The following NALF1 variants were observed in gnomAD, a reference collection of about 807,000 sequenced individuals.
NALF1 encodes NALCN channel auxiliary factor 1, also known as family with sequence similarity 155 member A.
NALF1 carries 3 observed loss-of-function variants against 48.4 expected under a neutral mutation model. The observed-to-expected ratio is 0.06, with a 90% CI of 0.03 to 0.16. NALF1 has a LOEUF of 0.16. Ranked by LOEUF, NALF1 falls within the 10% of genes least tolerant of loss-of-function variation. The pLI is 1.00. For missense variants in NALF1, 526 were observed against 571.5 expected (o/e 0.92, Z 0.81); for synonymous variants, 262 against 245.7 (o/e 1.07, Z -0.62).
intron 1 of NALF1, among the ~76,000 whole-genome samples, chr13:107,574,199 T>C (rs770311683): frequency 1.3e-5 from 2 of 152,220 alleles, no homozygotes; most frequent in Non-Finnish European, 2.9e-5. Flanking sequence ...CAGTATTGTT[T>C]TGGAGTTTCT....
At chr13:107,432,572 G>C (rs750438100) in intron 1 of NALF1, among the ~76,000 whole-genome samples, 2 of 152,144 alleles carry the variant, frequency 1.3e-5, no homozygotes, top group Non-Finnish European at 2.9e-5. Context: ...TCAAGAAGTA[G>C]AATGTCTGCT....
At chr13:107,760,915 C>T (rs776301269) in intron 1 of NALF1, among the ~76,000 whole-genome samples, 1 of 152,162 alleles carries the variant, frequency 6.6e-6, no homozygotes, top group Non-Finnish European at 1.5e-5. Flanking sequence ...AAGAAAGGAG[C>T]TAATAGTTAC....
chr13:107,301,718 G>A (rs1881840692), intron 1 of NALF1, among the ~76,000 whole-genome samples: 2 of 151,948 alleles, frequency 1.3e-5, no homozygotes, highest in Admixed American at 1.3e-4. Flanking sequence ...GAATTAACAT[G>A]TTTTGGCCAC....
At chr13:107,856,768 T>G (rs1880449585) in intron 1 of NALF1, among the ~76,000 whole-genome samples, 2 of 152,138 alleles carry the variant, frequency 1.3e-5, no homozygotes, top group African/African-American at 4.8e-5. Flanking sequence ...TTGGATGGAA[T>G]GTTTAAAATT....
chr13:107,484,278 T>C (rs76010324), intron 1 of NALF1, among the ~76,000 whole-genome samples: 2,639 of 152,250 alleles, frequency 0.017, 82 homozygotes, highest in South Asian at 0.053. Context: ...CAATATGAAA[T>C]TGAACTAGTT....
At chr13:107,204,083 C>CCAACGAG (rs1879583158) in intron 2 of NALF1, among the ~76,000 whole-genome samples, 1 of 149,238 alleles carries the variant, frequency 6.7e-6, no homozygotes, top group Admixed American at 6.7e-5. Context: ...TCCCTGCTCT[C>CCAACGAG]CAGGTGAGCT....
In NALF1 at chr13:107,171,390, G is replaced by C. The variant is rs188492896; in HGVS notation, c.1088-604C>G. On this transcript the variant is annotated intron_variant, in intron 2 of 2. Transcript: ENST00000375915. ...CCATTTTCTCCATTTGCTTTCTACAGAAGTCTGCCTCAGTTGAGGCTTCAT... is the reference window on the plus strand; with the variant it reads ...CCATTTTCTCCATTTGCTTTCTACACAAGTCTGCCTCAGTTGAGGCTTCAT... Among the ~76,000 whole-genome samples the C allele has an allele frequency of 1.7e-3, 263 of 152,256 alleles. 1 individual carries two copies. The highest frequency in any genetic ancestry group is 5.9e-3 in the African/African-American group (244 of 41,556).
intron 1 of NALF1, among the ~76,000 whole-genome samples, chr13:107,321,379 G>A (rs1882251867): frequency 6.6e-6 from 1 of 152,046 alleles, no homozygotes; most frequent in Non-Finnish European, 1.5e-5. Flanking sequence ...TCATTTCCCT[G>A]TAGTTTGTGC....
At chr13:107,733,409 A>T (rs1876371002) in intron 1 of NALF1, among the ~76,000 whole-genome samples, 1 of 152,200 alleles carries the variant, frequency 6.6e-6, no homozygotes, top group South Asian at 2.1e-4. Context: ...GTGTATTCAG[A>T]ATGGCTTAAA....
intron 1 of NALF1, among the ~76,000 whole-genome samples, chr13:107,332,045 T>G (rs1882478704): frequency 1.3e-5 from 2 of 152,208 alleles, no homozygotes; most frequent in African/African-American, 4.8e-5. Flanking sequence ...AAATTATATT[T>G]CAGTAAAAGA....
chr13:107,248,318 T>C (rs1880624959), intron 1 of NALF1, among the ~76,000 whole-genome samples: 1 of 152,048 alleles, frequency 6.6e-6, no homozygotes, highest in Admixed American at 6.6e-5. Flanking sequence ...GTGTTCTCTG[T>C]AGCAAAAATT....
intron 1 of NALF1, among the ~76,000 whole-genome samples, chr13:107,562,044 T>G (rs1877663157): frequency 6.6e-6 from 1 of 152,234 alleles, no homozygotes; most frequent in African/African-American, 2.4e-5. Context: ...TCCTAATGTA[T>G]AACAATGGTT....
At position 107,388,756 on chromosome 13, in the gene NALF1, G is replaced by A. The variant is rs180952698; in HGVS notation, c.916-178001C>T. Among the ~76,000 whole-genome samples the A allele has an allele frequency of 1.8e-3, 275 of 152,156 alleles. 1 individual carries two copies. Among genetic ancestry groups the A allele is most frequent in the Middle Eastern group, 3.4e-3 (1 of 294 alleles). ...TTCATCACGGTATGCAGAATGTGGG[G>A]GAGCCTAGAAAGGGCATCAATCCAG... On this transcript the variant is annotated intron_variant, in intron 1 of 2. Transcript: ENST00000375915.
At chr13:107,760,690 T>C (rs1238515870) in intron 1 of NALF1, among the ~76,000 whole-genome samples, 1 of 152,216 alleles carries the variant, frequency 6.6e-6, no homozygotes, top group Non-Finnish European at 1.5e-5. Context: ...AAGTTTTAAA[T>C]GTTACTCAAA....
At chr13:107,569,420 C>G (rs1009350284) in intron 1 of NALF1, among the ~76,000 whole-genome samples, 7 of 151,606 alleles carry the variant, frequency 4.6e-5, no homozygotes, top group Admixed American at 2.6e-4. Flanking sequence ...TGCAGTGAGC[C>G]GAGATGGCGC....
intron 1 of NALF1, among the ~76,000 whole-genome samples, chr13:107,651,477 C>G (rs1158668285): frequency 6.6e-6 from 1 of 152,130 alleles, no homozygotes; most frequent in Non-Finnish European, 1.5e-5. Context: ...GTTGGGAGTT[C>G]TCTGAAATAA....
intron 1 of NALF1, among the ~76,000 whole-genome samples, chr13:107,679,214 C>T (rs1423342057): frequency 6.6e-6 from 1 of 152,094 alleles, no homozygotes; most frequent in African/African-American, 2.4e-5. Context: ...CCTTGTAAAT[C>T]TTCACATCAA....
intron 1 of NALF1, among the ~76,000 whole-genome samples, chr13:107,782,121 C>T (rs1206647684): frequency 6.6e-6 from 1 of 152,214 alleles, no homozygotes; most frequent in Non-Finnish European, 1.5e-5. Context: ...CTGGACTGTA[C>T]TGCCGCCATC....
intron 1 of NALF1, among the ~76,000 whole-genome samples, chr13:107,398,577 G>C (rs956334243): frequency 1.3e-5 from 2 of 152,098 alleles, no homozygotes; most frequent in African/African-American, 4.8e-5. Flanking sequence ...GTTGGAAATT[G>C]ATTTTTTTCA....
Sources: allele counts gnomAD v4.1 joint callset (sites outside exome capture counted in the v4.1 genomes callset), GRCh38; gene constraint gnomAD v4.1.1; transcripts MANE v1.5; gene names NCBI Gene and HGNC (gene_info 2026-07-23, HGNC 2026-07-21).